Variants in IGF2BP3 observed in about 807,000 individuals in gnomAD.
IGF2BP3 encodes the protein insulin-like growth factor 2 mRNA-binding protein 3.
In IGF2BP3, 9 loss-of-function variants were observed where a neutral mutation model predicts 73.8. That is an observed-to-expected ratio of 0.12 (90% CI 0.07 to 0.21). The LOEUF (loss-of-function observed/expected upper bound fraction) is 0.21. IGF2BP3 is among the 10% of genes least tolerant of loss of function. IGF2BP3 has a pLI of 1.00. For synonymous variants in IGF2BP3, 258 were observed against 256.7 expected (o/e 1.01, Z -0.05); for missense variants, 542 against 714.0 (o/e 0.76, Z 2.75).
At chr7:23,362,507 G>A (rs1785255966) in intron 3 of IGF2BP3, 1 of 152,146 alleles carries the variant, frequency 6.6e-6, no homozygotes, top group African/African-American at 2.4e-5. Flanking sequence ...TGTACAATTT[G>A]AAGCTGTCTA....
chr7:23,318,945 C>T (rs528079960), intron 11 of IGF2BP3, among the ~76,000 whole-genome samples, 193 bp downstream of exon 11: 16 of 152,322 alleles, frequency 1.1e-4, no homozygotes, highest in African/African-American at 2.4e-4. Context: ...GGATGTTCAC[C>T]TCCTAACTGT....
intron 10 of IGF2BP3, among the ~76,000 whole-genome samples, chr7:23,319,692 A>G (rs148068917): frequency 6.6e-6 from 1 of 152,298 alleles, no homozygotes; most frequent in East Asian, 1.9e-4. Context: ...CACCTTATCT[A>G]TGTAGGTTTC....
intron 2 of IGF2BP3, among the ~76,000 whole-genome samples, chr7:23,433,045 C>T (rs1787725495): frequency 6.6e-6 from 1 of 152,174 alleles, no homozygotes; most frequent in South Asian, 2.1e-4. Context: ...GACCTAAAAG[C>T]ATAGCTCTTT....
At chr7:23,323,428 G>C (rs1043618770) in intron 10 of IGF2BP3, among the ~76,000 whole-genome samples, 2 of 144,596 alleles carry the variant, frequency 1.4e-5, no homozygotes. Context: ...AGCAAGTCCT[G>C]AGTGACCTAC....
At chr7:23,406,683 T>C (rs1217597088) in intron 3 of IGF2BP3, among the ~76,000 whole-genome samples, 1 of 152,194 alleles carries the variant, frequency 6.6e-6, no homozygotes, top group Non-Finnish European at 1.5e-5. Context: ...TTGCCACTGC[T>C]GGCTCAGGTG....
intron 5 of IGF2BP3, among the ~76,000 whole-genome samples, chr7:23,355,413 T>G (rs1176486382): frequency 6.6e-6 from 1 of 151,936 alleles, no homozygotes; most frequent in Non-Finnish European, 1.5e-5. Context: ...TTCTTTTAAC[T>G]AGAGACGGGG....
At chr7:23,408,174 T>TC (rs1201698429) in intron 3 of IGF2BP3, among the ~76,000 whole-genome samples, 1 of 152,140 alleles carries the variant, frequency 6.6e-6, no homozygotes. Context: ...GACAATGTTT[T>TC]CTCACAAAAA....
Position 23,319,127 on chromosome 7 carries a change from T to G in IGF2BP3, c.1320+11A>C. ...TAAAGAACCAGAGAACCACAGCTGG[T>G]AGAACAGTACCTTAATTGAAGCTCC... On this transcript the variant is annotated intron_variant, in intron 11 of 14. Transcript: ENST00000258729. 4 of 1,553,242 alleles carry G rather than the reference T, an allele frequency of 2.6e-6. No individual in the cohort carries two copies. Among genetic ancestry groups the G allele is most frequent in the Non-Finnish European group, 3.5e-6 (4 of 1,129,822 alleles).
At chr7:23,438,462 CAT>C (rs1340629521) in intron 2 of IGF2BP3, among the ~76,000 whole-genome samples, 1 of 152,112 alleles carries the variant, frequency 6.6e-6, no homozygotes, top group Non-Finnish European at 1.5e-5. Context: ...GTCACATCAA[CAT>C]AGATCATTTC....
intron 10 of IGF2BP3, among the ~76,000 whole-genome samples, chr7:23,338,695 T>C (rs1249381810): frequency 6.6e-6 from 1 of 152,194 alleles, no homozygotes; most frequent in South Asian, 2.1e-4. Context: ...TTGATACCTT[T>C]GCCTCACCCC....
chr7:23,326,973 C>T lies in IGF2BP3; in HGVS notation c.1204-7719G>A, dbSNP rs1293624158. Among the ~76,000 whole-genome samples the T allele has an allele frequency of 4.0e-5, 6 of 149,016 alleles. No homozygotes were observed. The East Asian group carries it at 5.9e-4, about 15-fold the overall frequency. On this transcript the variant is annotated intron_variant, in intron 10 of 14. Transcript: ENST00000258729. ...GGGAGATATACCTAATGCTAGATGACGAGTTAGTGGGTGCAGGGCACCAGC... is the reference window on the plus strand; with the variant it reads ...GGGAGATATACCTAATGCTAGATGATGAGTTAGTGGGTGCAGGGCACCAGC...
intron 2 of IGF2BP3, among the ~76,000 whole-genome samples, chr7:23,437,879 T>G (rs910937445): frequency 6.6e-6 from 1 of 152,196 alleles, no homozygotes; most frequent in Non-Finnish European, 1.5e-5. Context: ...ATTTTACAGA[T>G]TAAGGAAACA....
intron 2 of IGF2BP3, among the ~76,000 whole-genome samples, chr7:23,420,218 C>T (rs572784788): frequency 1.6e-4 from 24 of 152,332 alleles, no homozygotes; most frequent in Admixed American, 2.6e-4. Context: ...GTGGCTTATG[C>T]CTGTAATCCC....
chr7:23,400,546 G>A (rs1183432175), intron 3 of IGF2BP3, among the ~76,000 whole-genome samples: 2 of 152,082 alleles, frequency 1.3e-5, no homozygotes, highest in Admixed American at 6.5e-5. Flanking sequence ...GCCTCAGAAA[G>A]CAAGGCACGT....
intron 3 of IGF2BP3, among the ~76,000 whole-genome samples, chr7:23,396,865 C>T (rs1786491214): frequency 6.6e-6 from 1 of 152,170 alleles, no homozygotes. Context: ...AAAGTTAATT[C>T]ACAGTGCAGC....
At chr7:23,329,389 G>A (rs1355217798) in intron 10 of IGF2BP3, among the ~76,000 whole-genome samples, 1 of 152,098 alleles carries the variant, frequency 6.6e-6, no homozygotes, top group African/African-American at 2.4e-5. Flanking sequence ...TGTGTGCATA[G>A]TTTCCAACTT....
intron 2 of IGF2BP3, among the ~76,000 whole-genome samples, chr7:23,428,201 A>G (rs1787567255): frequency 6.6e-6 from 1 of 151,496 alleles, no homozygotes; most frequent in Non-Finnish European, 1.5e-5. Flanking sequence ...GCCAGAAGCA[A>G]TGGCTCATGC....
At chr7:23,386,137 G>T (rs1390580656) in intron 3 of IGF2BP3, among the ~76,000 whole-genome samples, 11 of 152,298 alleles carry the variant, frequency 7.2e-5, no homozygotes, top group South Asian at 2.1e-4. Flanking sequence ...TACATGGGGA[G>T]ATTTATTATA....
At chr7:23,375,619 C>T (rs570197672) in intron 3 of IGF2BP3, among the ~76,000 whole-genome samples, 1 of 152,252 alleles carries the variant, frequency 6.6e-6, no homozygotes, top group Admixed American at 6.5e-5. Context: ...AGAACAAAGC[C>T]TGATTACAAC....
Sources: gnomAD v4.1 joint callset for allele counts (sites outside exome capture counted in the v4.1 genomes callset) on GRCh38, gnomAD v4.1.1 for gene constraint, MANE v1.5 for transcripts, NCBI Gene and HGNC (gene_info 2026-07-23, HGNC 2026-07-21) for gene names.